The following PDE1C variants were observed in gnomAD, a reference collection of about 807,000 sequenced individuals.
PDE1C encodes the protein dual specificity calcium/calmodulin-dependent 3',5'-cyclic nucleotide phosphodiesterase 1C.
PDE1C carries 62 observed loss-of-function variants against 93.1 expected under a neutral mutation model. That is an observed-to-expected ratio of 0.67 (90% confidence interval 0.54 to 0.82). The LOEUF (loss-of-function observed/expected upper bound fraction) is 0.82. Among genes scored for constraint, PDE1C ranks in the 40% least tolerant of loss-of-function variants. PDE1C has a pLI of 0.00. For missense variants in PDE1C, 742 were observed against 884.6 expected, an observed-to-expected ratio of 0.84 and a Z score of 2.04; for synonymous variants, 325 against 310.1, an observed-to-expected ratio of 1.05 and a Z score of -0.50.
intron 2 of PDE1C, among the ~76,000 whole-genome samples, chr7:32,017,541 C>T (rs1186993412): frequency 1.3e-5 from 2 of 151,916 alleles, no homozygotes; most frequent in African/African-American, 4.8e-5. Context: ...TAAATGATAC[C>T]ATCAAGAAAG....
intron 1 of PDE1C, among the ~76,000 whole-genome samples, chr7:32,406,564 A>T (rs1785056344): frequency 6.6e-6 from 1 of 152,130 alleles, no homozygotes; most frequent in Admixed American, 6.5e-5. Flanking sequence ...AATCCAGAAA[A>T]ATCCAATTGT....
At chr7:32,262,583 A>C (rs1272681791) in intron 1 of PDE1C, among the ~76,000 whole-genome samples, 1 of 152,144 alleles carries the variant, frequency 6.6e-6, no homozygotes, top group African/African-American at 2.4e-5. Context: ...ATACGCAGCA[A>C]AGCCACCAAC....
At chr7:31,848,132 A>C (rs554638055) in intron 8 of PDE1C, 36 bp from the exon 9 acceptor site, 7 of 1,606,064 alleles carry the variant, frequency 4.4e-6, no homozygotes, top group Non-Finnish European at 6.0e-6. Flanking sequence ...AGAATGTTAA[A>C]CAGTTGTGAT....
At chr7:32,140,142 T>C (rs1309442999) in intron 3 of PDE1C, among the ~76,000 whole-genome samples, 1 of 152,238 alleles carries the variant, frequency 6.6e-6, no homozygotes, top group Admixed American at 6.5e-5. Flanking sequence ...TATTAAGTGC[T>C]GGATAGGCAC....
At chr7:32,104,619 A>G (rs2128751773) in intron 3 of PDE1C, among the ~76,000 whole-genome samples, 1 of 152,290 alleles carries the variant, frequency 6.6e-6, no homozygotes, top group South Asian at 2.1e-4. Context: ...ATGGAGGCCA[A>G]TGGATAATGT....
chr7:31,724,625 T>C, the PDE1C span, among the ~76,000 whole-genome samples: 1 of 152,216 alleles, frequency 6.6e-6, no homozygotes, highest in Non-Finnish European at 1.5e-5. Context: ...ATAGAAATTA[T>C]AACTAGAAGT....
intron 3 of PDE1C, among the ~76,000 whole-genome samples, chr7:32,129,769 A>C (rs1799817208): frequency 1.3e-5 from 2 of 152,104 alleles, no homozygotes; most frequent in Admixed American, 1.3e-4. Context: ...TATTGCTTAC[A>C]TTCAAAGACT....
chr7:32,259,210 C>G (rs1810020217), intron 1 of PDE1C, among the ~76,000 whole-genome samples: 1 of 152,188 alleles, frequency 6.6e-6, no homozygotes, highest in Non-Finnish European at 1.5e-5. Context: ...AATTGTTCTT[C>G]CATACTCAGA....
At chr7:32,128,365 C>T (rs1013575109) in intron 3 of PDE1C, among the ~76,000 whole-genome samples, 3 of 151,610 alleles carry the variant, frequency 2.0e-5, no homozygotes, top group Non-Finnish European at 2.9e-5. Context: ...TCTCAGAATT[C>T]CTATATGTCA....
At chr7:32,196,697 C>T (rs542559473) in intron 2 of PDE1C, among the ~76,000 whole-genome samples, 2 of 152,198 alleles carry the variant, frequency 1.3e-5, no homozygotes, top group South Asian at 4.1e-4. Context: ...TAAAAGATTG[C>T]TCTGGCAGGG....
At chr7:32,305,619 TACA>T (rs1235132884) in intron 1 of PDE1C, among the ~76,000 whole-genome samples, 1 of 152,222 alleles carries the variant, frequency 6.6e-6, no homozygotes, top group African/African-American at 2.4e-5. Context: ...ACAAAGCTTC[TACA>T]CACTTGTCAA....
At chr7:31,854,615 G>A (rs887786978) in intron 7 of PDE1C, among the ~76,000 whole-genome samples, 7 of 152,154 alleles carry the variant, frequency 4.6e-5, no homozygotes, top group Non-Finnish European at 7.3e-5. Context: ...GTACAACAGA[G>A]CAGAGGAAAC....
intron 1 of PDE1C, among the ~76,000 whole-genome samples, chr7:32,285,817 G>C (rs1304382533): frequency 5.0e-5 from 7 of 140,396 alleles, no homozygotes. Context: ...GGAGAGGAGA[G>C]AGAATAAGGG....
chr7:31,623,782 A>T, the PDE1C span, among the ~76,000 whole-genome samples: 1 of 151,832 alleles, frequency 6.6e-6, no homozygotes, highest in Non-Finnish European at 1.5e-5. Flanking sequence ...GCAATTAGGC[A>T]GGAGAAGGAA....
At chr7:31,746,413 CACTT>C (rs777163135), downstream of PDE1C, among the ~76,000 whole-genome samples, 16 of 152,254 alleles carry the variant, frequency 1.1e-4, no homozygotes, top group South Asian at 2.1e-4. Flanking sequence ...ATGGGAGTGA[CACTT>C]ACAGCACTCC....
At chr7:32,087,019 T>TA (rs1366367537) in intron 3 of PDE1C, among the ~76,000 whole-genome samples, 3 of 151,880 alleles carry the variant, frequency 2.0e-5, no homozygotes, top group Admixed American at 6.6e-5. Flanking sequence ...CTAATTAAAC[T>TA]AAAGAGCTTC....
chr7:31,620,103 G>A, the PDE1C span, among the ~76,000 whole-genome samples: 826 of 152,286 alleles, frequency 5.4e-3, 10 homozygotes, highest in African/African-American at 0.019. Flanking sequence ...AAAGCAGCCG[G>A]GAAGCTCCAA....
chr7:31,703,364 T>A, the PDE1C span, among the ~76,000 whole-genome samples: 1 of 152,166 alleles, frequency 6.6e-6, no homozygotes, highest in Non-Finnish European at 1.5e-5. Context: ...TACATCCCAA[T>A]ATCTACATCC....
At chr7:31,691,130 T>C in the PDE1C span, among the ~76,000 whole-genome samples, 1 of 152,108 alleles carries the variant, frequency 6.6e-6, no homozygotes, top group Non-Finnish European at 1.5e-5. Context: ...TCTTCTGAAG[T>C]CACTCAGTAC....
Sources: allele counts gnomAD v4.1 joint callset (sites outside exome capture counted in the v4.1 genomes callset), GRCh38; gene constraint gnomAD v4.1.1; transcripts MANE v1.5; gene names NCBI Gene and HGNC (gene_info 2026-07-23, HGNC 2026-07-21).